LRRC7: variants seen among roughly 807,000 people sequenced by gnomAD.
LRRC7 encodes leucine-rich repeat-containing protein 7.
A neutral mutation model predicts 175.7 loss-of-function variants in LRRC7; 23 were observed. That is an observed-to-expected ratio of 0.13 (90% CI 0.09 to 0.19). The LOEUF (loss-of-function observed/expected upper bound fraction) is 0.19, where lower values mean the gene tolerates loss of function less well. LRRC7 is among the 10% of genes least tolerant of loss of function. The pLI is 1.00. For missense variants in LRRC7, 1,354 were observed against 1,904.7 expected (o/e 0.71, Z 5.38); for synonymous variants, 685 against 680.9 (o/e 1.01, Z -0.09).
At chr1:69,934,120 G>A (rs1277034797) in intron 8 of LRRC7, among the ~76,000 whole-genome samples, 2 of 152,118 alleles carry the variant, frequency 1.3e-5, no homozygotes, top group Non-Finnish European at 2.9e-5. Flanking sequence ...AAGAGATTTT[G>A]CTCTGATAAG....
At chr1:69,962,149 AC>A (rs752851302) in intron 8 of LRRC7, among the ~76,000 whole-genome samples, 7 of 151,754 alleles carry the variant, frequency 4.6e-5, no homozygotes, top group Non-Finnish European at 7.4e-5. Context: ...AGAAAAAAAA[AC>A]ATTTAAAAGT....
intron 3 of LRRC7, among the ~76,000 whole-genome samples, chr1:69,768,129 G>C (rs1189050775): frequency 6.6e-6 from 1 of 152,090 alleles, no homozygotes; most frequent in Non-Finnish European, 1.5e-5. Flanking sequence ...TCATGGGCTG[G>C]CTTCAGTCAC....
chr1:69,874,343 G>T (rs1385600647), intron 7 of LRRC7: 1 of 152,090 alleles, frequency 6.6e-6, no homozygotes, highest in African/African-American at 2.4e-5. Flanking sequence ...TTAGAAGTAG[G>T]ATATATTTCA....
chr1:69,876,962 G>A (rs1686096653), intron 7 of LRRC7, among the ~76,000 whole-genome samples: 1 of 152,120 alleles, frequency 6.6e-6, no homozygotes, highest in Admixed American at 6.6e-5. Flanking sequence ...AGTCCTATCT[G>A]TAAAGTCCAG....
intron 25 of LRRC7, among the ~76,000 whole-genome samples, chr1:70,090,678 G>T (rs1160276675): frequency 6.6e-6 from 1 of 151,936 alleles, no homozygotes. Flanking sequence ...TTAGGATGAT[G>T]AAGAAGGAAA....
At chr1:70,099,315 C>T (rs376542044) in intron 25 of LRRC7, among the ~76,000 whole-genome samples, 11 of 130,692 alleles carry the variant, frequency 8.4e-5, no homozygotes, top group East Asian at 6.4e-4. Context: ...ATTGATGGGA[C>T]GTATCTCAAA....
At chr1:69,885,369 A>C (rs998593352) in intron 7 of LRRC7, among the ~76,000 whole-genome samples, 13 of 146,726 alleles carry the variant, frequency 8.9e-5, no homozygotes, top group African/African-American at 3.4e-4. Flanking sequence ...CGAGGAATTT[A>C]TCCATTTCTT....
In LRRC7 at chr1:69,913,936, A is replaced by G. The variant is rs143047563; in HGVS notation, c.648-17571A>G. On this transcript the variant is annotated intron_variant, in intron 7 of 26. Coordinates refer to ENST00000651989, the MANE Select transcript of LRRC7 (RefSeq NM_001370785.2). ...GTTTATTCAAAGAGATGAATTAATA[A>G]CAAGAGAAGACCATGATTATGTGAT... Among the ~76,000 whole-genome samples the G allele has an allele frequency of 7.9e-5, 12 of 152,328 alleles. No individual in the cohort carries two copies. The East Asian group carries it at 2.3e-3, about 29-fold the overall frequency.
At chr1:69,816,232 C>G (rs1678584807) in intron 4 of LRRC7, among the ~76,000 whole-genome samples, 1 of 152,156 alleles carries the variant, frequency 6.6e-6, no homozygotes, top group South Asian at 2.1e-4. Flanking sequence ...CCCGCCTCAG[C>G]CTCCTAAAGT....
chr1:69,942,615 G>T (rs771322269), intron 8 of LRRC7, among the ~76,000 whole-genome samples: 37 of 151,732 alleles, frequency 2.4e-4, no homozygotes, highest in Non-Finnish European at 4.6e-4. Context: ...TCCTTACGTG[G>T]CCCCTTCCTC....
At position 69,838,292 on chromosome 1, in the gene LRRC7, CTG is replaced by C. The variant is rs1438761564; in HGVS notation, c.647+13_647+14del. 2 of 1,598,488 alleles carry C rather than the reference CTG, an allele frequency of 1.3e-6. No individual in the cohort carries two copies. The highest frequency in any genetic ancestry group is 1.3e-5 in the African/African-American group (1 of 74,414). The stretch of plus-strand genomic sequence containing the variant: ...TTGAAAACTCTACCAAAGTAAGTGA[CTG>C]TGTATTTTCTGAATTTTGAACTGTG... On this transcript the variant is annotated intron_variant, in intron 7 of 26. Coordinates refer to ENST00000651989, the MANE Select transcript of LRRC7 (RefSeq NM_001370785.2).
At chr1:69,999,232 A>G (rs1038745085) in intron 11 of LRRC7, among the ~76,000 whole-genome samples, 1 of 152,228 alleles carries the variant, frequency 6.6e-6, no homozygotes, top group Non-Finnish European at 1.5e-5. Context: ...TTCAAAAGGA[A>G]CAGATTTGGA....
At chr1:70,081,199 A>G (rs550480834) in intron 24 of LRRC7, among the ~76,000 whole-genome samples, 1 of 152,346 alleles carries the variant, frequency 6.6e-6, no homozygotes, top group South Asian at 2.1e-4. Context: ...TAGCTCAACA[A>G]TTTATCAGCT....
At chr1:69,655,274 G>A (rs919951324) in intron 1 of LRRC7, among the ~76,000 whole-genome samples, 16 of 152,146 alleles carry the variant, frequency 1.1e-4, no homozygotes, top group Middle Eastern at 3.4e-3. Context: ...ACCAACCTGT[G>A]TTTTATTTTT....
Position 70,126,144 on chromosome 1 carries a change from T to C in LRRC7, c.*4257T>C, listed in dbSNP as rs376400753. Among the ~76,000 whole-genome samples the C allele has an allele frequency of 2.0e-5, 3 of 152,144 alleles. No individual in the cohort carries two copies. The East Asian group carries it at 5.8e-4, about 29-fold the overall frequency. ...AATATGTCTGATGAATACATTCTCA[T>C]CAAGAGGCAAGAATACAACATAACC... On this transcript the variant is annotated 3_prime_UTR_variant, in exon 27 of 27. Transcript: ENST00000651989.
intron 2 of LRRC7, among the ~76,000 whole-genome samples, chr1:69,682,994 T>C (rs1295156091): frequency 6.6e-6 from 1 of 152,150 alleles, no homozygotes; most frequent in Non-Finnish European, 1.5e-5. Flanking sequence ...ACTCACAAAT[T>C]GATGTCTCTA....
intron 4 of LRRC7, among the ~76,000 whole-genome samples, chr1:69,803,294 T>G (rs953189608): frequency 6.6e-6 from 1 of 151,412 alleles, no homozygotes; most frequent in African/African-American, 2.4e-5. Flanking sequence ...AGGTACATAA[T>G]CTATTGGAAT....
At chr1:70,101,527 G>T (rs1664807633) in intron 25 of LRRC7, among the ~76,000 whole-genome samples, 1 of 152,160 alleles carries the variant, frequency 6.6e-6, no homozygotes, top group Non-Finnish European at 1.5e-5. Flanking sequence ...TCTAAACTTA[G>T]AATGTTAAAT....
At chr1:69,632,059 G>C (rs1652596816) in intron 1 of LRRC7, among the ~76,000 whole-genome samples, 1 of 151,882 alleles carries the variant, frequency 6.6e-6, no homozygotes, top group Non-Finnish European at 1.5e-5. Context: ...TCTTCTCTCT[G>C]CATCAGCCAG....
Sources: allele counts gnomAD v4.1 joint callset (sites outside exome capture counted in the v4.1 genomes callset), GRCh38; gene constraint gnomAD v4.1.1; transcripts MANE v1.5; gene names NCBI Gene and HGNC (gene_info 2026-07-23, HGNC 2026-07-21).